Variants in MIPOL1 observed in about 807,000 individuals in gnomAD.
MIPOL1 encodes mirror-image polydactyly 1.
Under a neutral mutation model 60.9 loss-of-function variants are expected in MIPOL1, and 57 were observed. The ratio of observed to expected loss-of-function variants is 0.94; its 90% CI spans 0.76 to 1.17. MIPOL1 has a LOEUF of 1.17. MIPOL1 is among the 50% of genes most tolerant of loss of function. The pLI is 0.00. For missense variants in MIPOL1, 551 were observed against 511.6 expected, an observed-to-expected ratio of 1.08 and a Z score of -0.74; for synonymous variants, 179 against 168.8, an observed-to-expected ratio of 1.06 and a Z score of -0.47.
intron 10 of MIPOL1, among the ~76,000 whole-genome samples, chr14:37,375,432 G>T (rs1046353119): frequency 2.0e-5 from 3 of 152,026 alleles, no homozygotes; most frequent in East Asian, 3.9e-4. Flanking sequence ...TGATCATTCC[G>T]CTTCGACCTC....
intron 10 of MIPOL1, among the ~76,000 whole-genome samples, chr14:37,386,762 GTTAA>G (rs1595529014): frequency 6.6e-6 from 1 of 151,950 alleles, no homozygotes; most frequent in Non-Finnish European, 1.5e-5. Context: ...TAAGTGCTTA[GTTAA>G]TTAATATGTC....
Position 37,550,229 on chromosome 14 carries a change from C to A in MIPOL1, c.*3258C>A, listed in dbSNP as rs1422627900. ...ATAATTTGTTTATTTTATTAAAAAT[C>A]TAGAATATTAAAGATTTATACTTTT... On this transcript the variant is annotated 3_prime_UTR_variant, in exon 13 of 13. Coordinates refer to ENST00000684589, the MANE Select transcript of MIPOL1 (RefSeq NM_001388067.1). The A allele has an allele frequency of 6.6e-6, 1 of 150,576 alleles. No homozygotes were observed. Among genetic ancestry groups the A allele is most frequent in the Non-Finnish European group, 1.5e-5 (1 of 67,562 alleles). 9.3% of individuals were successfully genotyped at this position (150,576 alleles called of 1,614,324 possible).
At chr14:37,451,494 C>A (rs1412091214) in intron 11 of MIPOL1, among the ~76,000 whole-genome samples, 1 of 152,050 alleles carries the variant, frequency 6.6e-6, no homozygotes, top group African/African-American at 2.4e-5. Context: ...TTATTATGGA[C>A]AACACATTCA....
chr14:37,488,450 A>G (rs2094988850), intron 11 of MIPOL1, among the ~76,000 whole-genome samples: 1 of 152,092 alleles, frequency 6.6e-6, no homozygotes, highest in African/African-American at 2.4e-5. Flanking sequence ...ATTGTGTGGG[A>G]GTCTAAGTCT....
chr14:37,343,835 T>C (rs561757945), intron 9 of MIPOL1, among the ~76,000 whole-genome samples: 1 of 152,324 alleles, frequency 6.6e-6, no homozygotes, highest in South Asian at 2.1e-4. Flanking sequence ...TGGATTTTAT[T>C]AGTTCACTAG....
At chr14:37,232,198 G>A (rs995534134) in intron 1 of MIPOL1, among the ~76,000 whole-genome samples, 1 of 152,084 alleles carries the variant, frequency 6.6e-6, no homozygotes, top group Admixed American at 6.6e-5. Flanking sequence ...ATGTTATAAA[G>A]ACACACTGTG....
intron 11 of MIPOL1, among the ~76,000 whole-genome samples, chr14:37,449,969 C>T (rs185663122): frequency 1.2e-4 from 18 of 152,102 alleles, no homozygotes; most frequent in East Asian, 7.8e-4. Context: ...TGCACCACCA[C>T]GCCTGGCTAA....
chr14:37,491,044 T>C (rs2095040480), intron 11 of MIPOL1, among the ~76,000 whole-genome samples: 1 of 152,218 alleles, frequency 6.6e-6, no homozygotes, highest in Non-Finnish European at 1.5e-5. Flanking sequence ...TTATGTGTTA[T>C]ATGACAAAAT....
chr14:37,258,271 T>A (rs548401777), intron 3 of MIPOL1, among the ~76,000 whole-genome samples: 2 of 152,286 alleles, frequency 1.3e-5, no homozygotes, highest in South Asian at 4.1e-4. Context: ...TTTTATAGAT[T>A]ATTTATGAAA....
At chr14:37,233,602 A>C (rs1046290226) in intron 1 of MIPOL1, among the ~76,000 whole-genome samples, 3 of 152,128 alleles carry the variant, frequency 2.0e-5, no homozygotes, top group African/African-American at 7.2e-5. Flanking sequence ...CAGATTTTTT[A>C]AGATTAGGAA....
At chr14:37,481,524 G>GA (rs2094864628) in intron 11 of MIPOL1, among the ~76,000 whole-genome samples, 1 of 139,054 alleles carries the variant, frequency 7.2e-6, no homozygotes, top group African/African-American at 2.7e-5. Flanking sequence ...AAAAGAAATA[G>GA]AAAAAACTAT....
intron 11 of MIPOL1, among the ~76,000 whole-genome samples, chr14:37,489,054 C>T (rs1246615162): frequency 2.0e-5 from 3 of 152,330 alleles, no homozygotes; most frequent in Admixed American, 2.0e-4. Context: ...GTTCCATTCT[C>T]CGCATCACTT....
At chr14:37,362,101 T>A (rs927871223) in intron 9 of MIPOL1, among the ~76,000 whole-genome samples, 1 of 152,134 alleles carries the variant, frequency 6.6e-6, no homozygotes, top group African/African-American at 2.4e-5. Context: ...GGCATTTAGC[T>A]CATTTACATT....
At chr14:37,389,000 A>T (rs750537522) in intron 10 of MIPOL1, among the ~76,000 whole-genome samples, 2 of 152,142 alleles carry the variant, frequency 1.3e-5, no homozygotes, top group Non-Finnish European at 2.9e-5. Context: ...AAATAAAAAC[A>T]GAAATTCTAG....
intron 11 of MIPOL1, among the ~76,000 whole-genome samples, chr14:37,457,168 A>G (rs1453543132): frequency 6.6e-6 from 1 of 152,174 alleles, no homozygotes; most frequent in Non-Finnish European, 1.5e-5. Context: ...TTCATGAGAG[A>G]TAAGAGCCTC....
chr14:37,510,442 G>A (rs1381443351), intron 12 of MIPOL1, among the ~76,000 whole-genome samples: 1 of 151,868 alleles, frequency 6.6e-6, no homozygotes, highest in Non-Finnish European at 1.5e-5. Context: ...TTATCATGTT[G>A]CCAAGGCTGA....
At chr14:37,430,576 C>T (rs901498861) in intron 11 of MIPOL1, among the ~76,000 whole-genome samples, 3 of 151,508 alleles carry the variant, frequency 2.0e-5, no homozygotes, top group Admixed American at 6.6e-5. Flanking sequence ...GCATTTGTCT[C>T]TTCTTCCTCT....
At chr14:37,529,403 T>C (rs2095467047) in intron 12 of MIPOL1, among the ~76,000 whole-genome samples, 1 of 152,190 alleles carries the variant, frequency 6.6e-6, no homozygotes, top group African/African-American at 2.4e-5. Context: ...TACTGCTGGT[T>C]TTGAGTTGTT....
At chr14:37,205,998 AC>A (rs1161674607) in intron 1 of MIPOL1, among the ~76,000 whole-genome samples, 1 of 152,122 alleles carries the variant, frequency 6.6e-6, no homozygotes, top group Non-Finnish European at 1.5e-5. Flanking sequence ...TTGCAGCCTG[AC>A]CCTGCAATTG....
Sources: gnomAD v4.1 joint callset for allele counts (sites outside exome capture counted in the v4.1 genomes callset) on GRCh38, gnomAD v4.1.1 for gene constraint, MANE v1.5 for transcripts, NCBI Gene and HGNC (gene_info 2026-07-23, HGNC 2026-07-21) for gene names.